The following KLHL2 variants were observed in gnomAD, a reference collection of about 807,000 sequenced individuals.
KLHL2 encodes the protein kelch like family member 2.
KLHL2 carries 15 observed loss-of-function variants against 75.8 expected under a neutral mutation model. The ratio of observed to expected loss-of-function variants is 0.20; its 90% CI spans 0.13 to 0.30. The LOEUF (loss-of-function observed/expected upper bound fraction) is 0.30. Among genes scored for constraint, KLHL2 ranks in the 10% least tolerant of loss-of-function variants. The pLI is 1.00. For synonymous variants in KLHL2, 214 were observed against 251.9 expected (o/e 0.85, Z 1.42); for missense variants, 381 against 741.0 (o/e 0.51, Z 5.64).
chr4:165,303,632 AG>A (rs1320658105), intron 8 of KLHL2, among the ~76,000 whole-genome samples: 2 of 152,046 alleles, frequency 1.3e-5, no homozygotes, highest in Non-Finnish European at 2.9e-5. Flanking sequence ...GTGCAGTCTC[AG>A]CTCACTGCAA....
At chr4:165,300,770 C>A (rs975184935) in intron 8 of KLHL2, among the ~76,000 whole-genome samples, 1 of 152,144 alleles carries the variant, frequency 6.6e-6, no homozygotes, top group Non-Finnish European at 1.5e-5. Flanking sequence ...GTATATGTTT[C>A]GGGCAATGCT....
intron 4 of KLHL2, among the ~76,000 whole-genome samples, chr4:165,239,119 C>A (rs1253273181): frequency 2.0e-5 from 3 of 152,056 alleles, no homozygotes; most frequent in Non-Finnish European, 4.4e-5. Flanking sequence ...TCCTTTAGTT[C>A]TCTGAATGAT....
chr4:165,312,936 T>C (rs2126573249), intron 11 of KLHL2, among the ~76,000 whole-genome samples: 1 of 152,340 alleles, frequency 6.6e-6, no homozygotes, highest in African/African-American at 2.4e-5. Flanking sequence ...CAGGATGTTG[T>C]TCACTTATCA....
chr4:165,273,133 A>G (rs1742821862), intron 5 of KLHL2, among the ~76,000 whole-genome samples: 1 of 152,188 alleles, frequency 6.6e-6, no homozygotes, highest in South Asian at 2.1e-4. Context: ...CTCAGGGACA[A>G]TTTTGTTTTA....
chr4:165,213,859 G>T (rs1374777555), intron 1 of KLHL2, among the ~76,000 whole-genome samples: 1 of 152,036 alleles, frequency 6.6e-6, no homozygotes, highest in Non-Finnish European at 1.5e-5. Context: ...TGCATATTCA[G>T]TTTAGATCCT....
Position 165,207,805 on chromosome 4 carries a change from C to A in KLHL2, c.-72C>A. 1 of 1,344,760 alleles carries A rather than the reference C, an allele frequency of 7.4e-7. No homozygotes were observed. Among genetic ancestry groups the A allele is most frequent in the Non-Finnish European group, 9.8e-7 (1 of 1,016,778 alleles). 83.3% of individuals were successfully genotyped at this position (1,344,760 alleles called of 1,614,324 possible). A position where few individuals can be genotyped will look rare whatever the true frequency, so the allele number is the denominator to read the frequency against. On this transcript the variant is annotated 5_prime_UTR_variant, in exon 1 of 15. Coordinates refer to ENST00000226725, the MANE Select transcript of KLHL2 (RefSeq NM_007246.4). The surrounding 1 kb of genome is among the most constrained non-coding windows in gnomAD (Gnocchi z 4.2). ...ACGCGGCTCGGCGGGCGGGCAGTGCCGGCGTCCGCGGCTGGAATGGTGCTG... is the reference window on the plus strand; with the variant it reads ...ACGCGGCTCGGCGGGCGGGCAGTGCAGGCGTCCGCGGCTGGAATGGTGCTG...
At chr4:165,238,298 T>A (rs1363965467) in intron 3 of KLHL2, among the ~76,000 whole-genome samples, 1 of 152,234 alleles carries the variant, frequency 6.6e-6, no homozygotes, top group Admixed American at 6.5e-5. Context: ...GGGTGGAGCC[T>A]CTGTGTCTGG....
At chr4:165,223,304 G>A (rs1738159675) in intron 2 of KLHL2, among the ~76,000 whole-genome samples, 1 of 152,180 alleles carries the variant, frequency 6.6e-6, no homozygotes, top group African/African-American at 2.4e-5. Context: ...GAGAGCTGCT[G>A]GACACATACA....
intron 5 of KLHL2, among the ~76,000 whole-genome samples, chr4:165,273,114 A>G (rs1295449765): frequency 1.3e-5 from 2 of 152,198 alleles, no homozygotes; most frequent in Non-Finnish European, 1.5e-5. Context: ...CAACTTCAAC[A>G]GTTGTCAACT....
chr4:165,279,737 A>G (rs1028084541), intron 5 of KLHL2: 4 of 973,220 alleles, frequency 4.1e-6, no homozygotes, highest in Non-Finnish European at 6.7e-6. Context: ...CCAAAGAGCG[A>G]GGCCGCGCGA....
intron 9 of KLHL2, 67 bp from the exon 10 acceptor site, chr4:165,310,486 G>A: frequency 7.6e-7 from 1 of 1,313,274 alleles, no homozygotes; most frequent in Non-Finnish European, 1.1e-6. Flanking sequence ...TTATCAGAAA[G>A]CAATCTTTGG....
chr4:165,229,770 G>T (rs1469727212), intron 3 of KLHL2, among the ~76,000 whole-genome samples: 1 of 152,208 alleles, frequency 6.6e-6, no homozygotes, highest in Non-Finnish European at 1.5e-5. Flanking sequence ...GTGGTCAGAC[G>T]TTGACGGCTG....
At chr4:165,303,390 C>T (rs578261308) in intron 8 of KLHL2, among the ~76,000 whole-genome samples, 2 of 151,366 alleles carry the variant, frequency 1.3e-5, no homozygotes, top group South Asian at 4.2e-4. Context: ...TCATCTAAGA[C>T]TCTTTCAACT....
At chr4:165,230,323 T>TG (rs1387149797) in intron 3 of KLHL2, among the ~76,000 whole-genome samples, 2 of 152,242 alleles carry the variant, frequency 1.3e-5, no homozygotes, top group African/African-American at 4.8e-5. Context: ...ACTAGGTCTT[T>TG]GGAAAACTTA....
intron 4 of KLHL2, among the ~76,000 whole-genome samples, chr4:165,249,674 C>T (rs1740536182): frequency 6.6e-6 from 1 of 151,994 alleles, no homozygotes; most frequent in Non-Finnish European, 1.5e-5. Context: ...TTTTTCTGTC[C>T]CCAAGCACTT....
chr4:165,276,137 C>T (rs1743075489), intron 5 of KLHL2, among the ~76,000 whole-genome samples: 1 of 151,974 alleles, frequency 6.6e-6, no homozygotes, highest in Non-Finnish European at 1.5e-5. Flanking sequence ...ACAATAACAA[C>T]AACAAAAAAG....
intron 2 of KLHL2, among the ~76,000 whole-genome samples, chr4:165,222,632 A>G (rs1271343599): frequency 6.6e-6 from 1 of 152,182 alleles, no homozygotes; most frequent in Non-Finnish European, 1.5e-5. Flanking sequence ...AGACCTTTTT[A>G]AAAATGTCAT....
chr4:165,297,762 A>G (rs368070582), intron 7 of KLHL2, 37 bp downstream of exon 7: 40 of 1,177,430 alleles, frequency 3.4e-5, no homozygotes, highest in African/African-American at 3.0e-4. Flanking sequence ...TCCACACAGC[A>G]CTGTGTCACT....
intron 1 of KLHL2, among the ~76,000 whole-genome samples, chr4:165,211,086 T>A (rs531687120): frequency 1.3e-5 from 2 of 152,298 alleles, no homozygotes; most frequent in Non-Finnish European, 2.9e-5. Flanking sequence ...TTGTTGACCA[T>A]GTTCTAAGGC....
Sources: allele counts gnomAD v4.1 joint callset (sites outside exome capture counted in the v4.1 genomes callset), GRCh38; gene constraint gnomAD v4.1.1; non-coding constraint Gnocchi (gnomAD v3.1); transcripts MANE v1.5; gene names NCBI Gene and HGNC (gene_info 2026-07-23, HGNC 2026-07-21).